DENND2A: variants seen among roughly 807,000 people sequenced by gnomAD.
The protein encoded by DENND2A is DENN domain-containing protein 2A.
In DENND2A, 53 loss-of-function variants were observed where a neutral mutation model predicts 105.3. The observed-to-expected ratio is 0.50, with a 90% confidence interval of 0.40 to 0.63. The LOEUF (loss-of-function observed/expected upper bound fraction) is 0.63. Ranked by LOEUF, DENND2A falls within the 30% of genes least tolerant of loss-of-function variation. The probability of loss-of-function intolerance (pLI) is 0.00; values close to 1 mark genes in which losing one functional copy is unlikely to be tolerated. For missense variants in DENND2A, 1,138 were observed against 1,279.6 expected (o/e 0.89, Z 1.69); for synonymous variants, 522 against 508.4 (o/e 1.03, Z -0.36).
intron 19 of DENND2A, among the ~76,000 whole-genome samples, chr7:140,519,238 T>C (rs1795766879): frequency 6.6e-6 from 1 of 152,188 alleles, no homozygotes; most frequent in African/African-American, 2.4e-5. Flanking sequence ...TTTCACTGAT[T>C]AAACTACAGT....
intron 3 of DENND2A, among the ~76,000 whole-genome samples, chr7:140,598,755 T>G (rs1237509186): frequency 1.3e-5 from 2 of 152,114 alleles, no homozygotes; most frequent in Non-Finnish European, 2.9e-5. Flanking sequence ...TGTCAAATAA[T>G]TATATATTAA....
chr7:140,547,973 G>A (rs57960333), intron 12 of DENND2A, among the ~76,000 whole-genome samples: 1,823 of 152,276 alleles, frequency 0.012, 30 homozygotes, highest in African/African-American at 0.041. Flanking sequence ...TTAGAGTTAG[G>A]GAGTGGCGGC....
At position 140,531,747 on chromosome 7, in the gene DENND2A, G is replaced by A. The variant is rs1487346030; in HGVS notation, c.2328-4252C>T. 2.7e-5 allele frequency among the ~76,000 whole-genome samples: 4 copies of A among 150,742 alleles called. 1 individual carries two copies. The highest frequency in any genetic ancestry group is 7.4e-5 in the African/African-American group (3 of 40,660). ...GGAGAATCGCTTGAACCCAGGAGAC[G>A]GAGGTTGCAGTGAGCCGAGAATACG... is the stretch of plus-strand genomic sequence containing the variant. On this transcript the variant is annotated intron_variant, in intron 14 of 19. Coordinates refer to ENST00000496613, the MANE Select transcript of DENND2A (RefSeq NM_015689.5).
intron 8 of DENND2A, among the ~76,000 whole-genome samples, chr7:140,568,073 T>C (rs1797939333): frequency 6.6e-6 from 1 of 152,202 alleles, no homozygotes; most frequent in African/African-American, 2.4e-5. Context: ...CCTGAGTATC[T>C]GGGATTACAG....
In DENND2A at chr7:140,585,644, C is replaced by T. The variant is rs1020695552; in HGVS notation, c.1190G>A (p.Cys397Tyr). ...ELHGRCLGKK[C>Y]VLNFPASPTS... is the part of the protein sequence containing the mutation. ...GGGAGAAGCAGGAAAATTCAAGACA[C>T]ACTTCTTTCCCAGGCAGCGACCATG... The change falls in exon 5 of 20, where the codon TGT becomes TAT. Residue 397 changes from cysteine (C) to tyrosine (Y), a missense_variant. By Grantham distance (194) the Cys-to-Tyr change is radical. Around this residue, in one of 2 missense-constraint regions of DENND2A, gnomAD observed 511 missense variants for 499.9 expected, o/e 1.02. Transcript: ENST00000496613. The T allele has an allele frequency of 1.9e-6, 3 of 1,614,088 alleles. No homozygotes were observed. Among genetic ancestry groups the T allele is most frequent in the African/African-American group, 2.7e-5 (2 of 74,938 alleles).
chr7:140,540,352 C>A (rs917803499), intron 14 of DENND2A, among the ~76,000 whole-genome samples: 9 of 152,254 alleles, frequency 5.9e-5, no homozygotes, highest in African/African-American at 2.2e-4. Flanking sequence ...TGGCATCTGA[C>A]CCACTCACGG....
chr7:140,575,652 TACC>T (rs1798266991), intron 5 of DENND2A, among the ~76,000 whole-genome samples: 1 of 152,154 alleles, frequency 6.6e-6, no homozygotes, highest in Non-Finnish European at 1.5e-5. Flanking sequence ...CACAGTGGAA[TACC>T]ATGCAATTAT....
Position 140,559,619 on chromosome 7 carries a change from G to A in DENND2A, c.1889+89C>T, listed in dbSNP as rs537745610. ...GCCCATCAGGATTACTTAACGGTGGGAATGACTCATGTGGTCTGCCACCTG... is the reference window on the plus strand; with the variant it reads ...GCCCATCAGGATTACTTAACGGTGGAAATGACTCATGTGGTCTGCCACCTG... On this transcript the variant is annotated intron_variant, in intron 10 of 19. Transcript: ENST00000496613. This position sits in a 1 kb window ranked among gnomAD's most constrained non-coding sequence, Gnocchi z 4.1. 157 of 917,332 alleles carry A rather than the reference G, an allele frequency of 1.7e-4. No homozygotes were observed. Among genetic ancestry groups the A allele is most frequent in the Non-Finnish European group, 2.1e-4 (121 of 573,828 alleles). The allele number at this position is 917,332 out of a possible 1,614,324, so 56.8% of individuals were successfully genotyped here. A position where few individuals can be genotyped will look rare whatever the true frequency, so the allele number is the denominator to read the frequency against.
chr7:140,570,572 G>A (rs1218830201), intron 6 of DENND2A, among the ~76,000 whole-genome samples: 1 of 152,154 alleles, frequency 6.6e-6, no homozygotes, highest in African/African-American at 2.4e-5. Flanking sequence ...CCATGCACCC[G>A]AGCGTGCAGC....
intron 1 of DENND2A, among the ~76,000 whole-genome samples, chr7:140,627,174 T>C (rs965654894): frequency 6.6e-6 from 1 of 152,188 alleles, no homozygotes; most frequent in Admixed American, 6.6e-5. Flanking sequence ...GTAATAATGC[T>C]CTAACATATT....
chr7:140,620,039 C>CA (rs111793348), intron 1 of DENND2A, among the ~76,000 whole-genome samples: 8,941 of 150,664 alleles, frequency 0.059, 627 homozygotes, highest in African/African-American at 0.17. Context: ...CTAAAAATAC[C>CA]AAAAAAATTA....
At chr7:140,585,759 T>TA (rs1798756741) in intron 4 of DENND2A, 49 bp from the exon 5 acceptor site, 1 of 1,612,282 alleles carries the variant, frequency 6.2e-7, no homozygotes, top group African/African-American at 1.3e-5. Context: ...TGAGGACATT[T>TA]CCCTTTTCAA....
rs1466254389 is a variant in DENND2A, at chr7:140,580,989, G to A, written c.1245+4600C>T. 2.6e-5 allele frequency among the ~76,000 whole-genome samples: 4 copies of A among 151,848 alleles called. No homozygotes were observed. In the South Asian group the frequency reaches 8.4e-4, roughly 32 times the overall value. On this transcript the variant is annotated intron_variant, in intron 5 of 19. Transcript: ENST00000496613. ...ATATATTCAAAAGTATAGGCCAGGT[G>A]CGGTGGCTTATGCCTGTAATCCCAG...
chr7:140,589,764 G>C (rs940538055), intron 3 of DENND2A, among the ~76,000 whole-genome samples: 8 of 152,176 alleles, frequency 5.3e-5, no homozygotes, highest in African/African-American at 1.9e-4. Flanking sequence ...GAGTAGCTGA[G>C]ACTGCAGTTG....
At chr7:140,640,986 G>T (rs560671806), upstream of DENND2A, among the ~76,000 whole-genome samples, 26 of 150,590 alleles carry the variant, frequency 1.7e-4, no homozygotes, top group South Asian at 5.5e-3. This position sits in a 1 kb window ranked among gnomAD's most constrained non-coding sequence, Gnocchi z 4.9. Context: ...CTCGGGGTGG[G>T]GGAGAGGTGG....
At chr7:140,552,703 T>G (rs1797187778) in intron 12 of DENND2A, among the ~76,000 whole-genome samples, 1 of 151,988 alleles carries the variant, frequency 6.6e-6, no homozygotes, top group African/African-American at 2.4e-5. Context: ...TGGCCTTCTT[T>G]TGTGTTTTAT....
chr7:140,638,928 T>C (rs753438126), intron 1 of DENND2A, among the ~76,000 whole-genome samples: 5 of 152,188 alleles, frequency 3.3e-5, no homozygotes, highest in Non-Finnish European at 5.9e-5. Flanking sequence ...TAGGATGGTG[T>C]TCCTGGAAGG....
At position 140,543,308 on chromosome 7, in the gene DENND2A, G is replaced by A. The variant is rs1472617853; in HGVS notation, c.2327+1310C>T. Among the ~76,000 whole-genome samples, 4 of 118,604 alleles carry A rather than the reference G, an allele frequency of 3.4e-5. No individual in the cohort carries two copies. In the Admixed American group the frequency reaches 3.6e-4, roughly 11 times the overall value. 77.8% of individuals were successfully genotyped at this position (118,604 alleles called of 152,430 possible). A position where few individuals can be genotyped will look rare whatever the true frequency, so the allele number is the denominator to read the frequency against. Reference sequence around the variant, plus strand: ...TAATTTTTTTTTTTTTTTTTTTTACGTTTTTTGTAGAGATGGGGGTCTTAC... The same window carrying A: ...TAATTTTTTTTTTTTTTTTTTTTACATTTTTTGTAGAGATGGGGGTCTTAC... On this transcript the variant is annotated intron_variant, in intron 14 of 19. Transcript: ENST00000496613.
chr7:140,526,838 T>A (rs1265379087), intron 15 of DENND2A, among the ~76,000 whole-genome samples: 1 of 152,060 alleles, frequency 6.6e-6, no homozygotes, highest in Non-Finnish European at 1.5e-5. Flanking sequence ...GTCAAAACCA[T>A]TTAGAGGAAG....
Sources: gnomAD v4.1 joint callset for allele counts (sites outside exome capture counted in the v4.1 genomes callset) on GRCh38, gnomAD v4.1.1 for gene constraint, gnomAD v4.1.1 regional missense constraint, Gnocchi (gnomAD v3.1) non-coding constraint, MANE v1.5 for transcripts, NCBI Gene and HGNC (gene_info 2026-07-23, HGNC 2026-07-21) for gene names.